Variants in ALK observed in about 807,000 individuals in gnomAD.
ALK encodes the protein ALK receptor tyrosine kinase, also known as ALK tyrosine kinase receptor.
A neutral mutation model predicts 163.1 loss-of-function variants in ALK; 74 were observed. That is an observed-to-expected ratio of 0.45 (90% CI 0.38 to 0.55). The LOEUF (loss-of-function observed/expected upper bound fraction) is 0.55. Ranked by LOEUF, ALK falls within the 20% of genes least tolerant of loss-of-function variation. ALK has a pLI of 0.00. For synonymous variants in ALK, 960 were observed against 843.2 expected (o/e 1.14, Z -2.40); for missense variants, 2,063 against 2,105.3 (o/e 0.98, Z 0.39).
In ALK at chr2:29,658,538, C is replaced by T. The variant is rs185407922; in HGVS notation, c.952+36312G>A. Reference sequence around the variant, plus strand: ...CCAAACAACACTTCCAGGAAGACAGCAGTGGCTAGGTGTAACCCTTATTCA... The same window carrying T: ...CCAAACAACACTTCCAGGAAGACAGTAGTGGCTAGGTGTAACCCTTATTCA... On this transcript the variant is annotated intron_variant, in intron 3 of 28. Coordinates refer to ENST00000389048, the MANE Select transcript of ALK (RefSeq NM_004304.5). Among the ~76,000 whole-genome samples the T allele has an allele frequency of 7.7e-4, 118 of 152,270 alleles. 1 individual carries two copies. Among genetic ancestry groups the T allele is most frequent in the African/African-American group, 2.7e-3 (114 of 41,572 alleles).
intron 9 of ALK, among the ~76,000 whole-genome samples, chr2:29,293,035 T>A (rs1255661871): frequency 2.0e-5 from 3 of 152,232 alleles, no homozygotes; most frequent in African/African-American, 7.2e-5. Context: ...CCAACAGGAA[T>A]GTGACCAGAG....
chr2:29,693,406 T>TACACACACACACACACACAC (rs58588313), intron 3 of ALK, among the ~76,000 whole-genome samples: 1 of 145,174 alleles, frequency 6.9e-6, no homozygotes. Context: ...AGCACTCACC[T>TACACACACACACACACACAC]ACACACACAC....
At position 29,297,482 on chromosome 2, in the gene ALK, T is replaced by C. The variant is rs57465116; in HGVS notation, c.1648-425A>G. Reference sequence around the variant, plus strand: ...AATGATTTTGTGACTCAGTTTCTTTTAGTGATTTAGGTATCATAGATTTTT... The same window carrying C: ...AATGATTTTGTGACTCAGTTTCTTTCAGTGATTTAGGTATCATAGATTTTT... On this transcript the variant is annotated intron_variant, in intron 8 of 28. Transcript: ENST00000389048. 9.7e-3 allele frequency among the ~76,000 whole-genome samples: 1,475 copies of C among 152,308 alleles called. 25 individuals carry two copies. The highest frequency in any genetic ancestry group is 0.033 in the African/African-American group (1,380 of 41,556).
At chr2:29,219,523 T>C (rs1242752253) in intron 23 of ALK, among the ~76,000 whole-genome samples, 1 of 152,176 alleles carries the variant, frequency 6.6e-6, no homozygotes, top group East Asian at 1.9e-4. Flanking sequence ...GCTTTTACTG[T>C]GCAAGTCTTC....
At chr2:29,538,526 T>A (rs1673323318) in intron 3 of ALK, among the ~76,000 whole-genome samples, 1 of 152,182 alleles carries the variant, frequency 6.6e-6, no homozygotes, top group Admixed American at 6.5e-5. Context: ...TGCCATTGCC[T>A]TGCTTCCAGT....
intron 13 of ALK, among the ~76,000 whole-genome samples, chr2:29,238,734 G>A (rs929267951): frequency 2.0e-5 from 3 of 152,072 alleles, no homozygotes; most frequent in African/African-American, 7.2e-5. Context: ...TCTGTTCCTG[G>A]CCCAGAATCG....
At position 29,195,774 on chromosome 2, in the gene ALK, A is replaced by T. The variant is rs1669007244; in HGVS notation, c.4164+996T>A. ...AAATAGTGGTTTATTGACTCTTCTA[A>T]AATATTCTCAGAATTAGATATCCTG... On this transcript the variant is annotated intron_variant, in intron 28 of 28. Transcript: ENST00000389048. 2.0e-5 allele frequency among the ~76,000 whole-genome samples: 3 copies of T among 152,196 alleles called. No homozygotes were observed. The South Asian group carries it at 6.2e-4, about 31-fold the overall frequency.
In ALK at chr2:29,673,583, T is replaced by C. The variant is rs1420345752; in HGVS notation, c.952+21267A>G. ...CCATGCTGTTTTGGTTACTGTAGCC[T>C]TGTAGTATAGTTTGAAGTCAGGTAG... On this transcript the variant is annotated intron_variant, in intron 3 of 28. Transcript: ENST00000389048. Among the ~76,000 whole-genome samples the C allele has an allele frequency of 2.2e-5, 3 of 139,010 alleles. 1 individual carries two copies. Among genetic ancestry groups the C allele is most frequent in the African/African-American group, 8.4e-5 (3 of 35,668 alleles). The allele number at this position is 139,010 out of a possible 152,430, so 91.2% of individuals were successfully genotyped here.
At chr2:29,390,259 G>T (rs1457401335) in intron 4 of ALK, among the ~76,000 whole-genome samples, 1 of 152,294 alleles carries the variant, frequency 6.6e-6, no homozygotes. Context: ...TGCTGGTCAT[G>T]AGCGCCAAGT....
In ALK at chr2:29,705,240, AATATATAT is replaced by A. The variant is rs1172702963; in HGVS notation, c.788-10234_788-10227del. Among the ~76,000 whole-genome samples the A allele has an allele frequency of 8.9e-4, 42 of 47,162 alleles. 2 individuals carry two copies. In the East Asian group the frequency reaches 0.021, roughly 23 times the overall value. 30.9% of individuals were successfully genotyped at this position (47,162 alleles called of 152,430 possible). On this transcript the variant is annotated intron_variant, in intron 2 of 28. Transcript: ENST00000389048. ...CTCAACAAAAAAAGAAAAGAAAAGA[AATATATAT>A]ATATATATATATATATATATATATA...
At chr2:29,919,916 T>G in intron 1 of ALK, 77 bp downstream of exon 1, 1 of 1,538,766 alleles carries the variant, frequency 6.5e-7, no homozygotes, top group Admixed American at 1.7e-5. Context: ...GGGGTGGAAG[T>G]GAAGATTATT....
intron 1 of ALK, among the ~76,000 whole-genome samples, chr2:29,834,566 C>T (rs1412784993): frequency 6.6e-6 from 1 of 151,854 alleles, no homozygotes; most frequent in African/African-American, 2.4e-5. Flanking sequence ...GCTATAATGC[C>T]AATATAATAG....
chr2:29,711,466 C>A (rs776006620), intron 2 of ALK, among the ~76,000 whole-genome samples: 1 of 152,206 alleles, frequency 6.6e-6, no homozygotes, highest in Non-Finnish European at 1.5e-5. Flanking sequence ...CCTCTTCCCC[C>A]AGAGCTCCTT....
chr2:29,229,797 C>T (rs1018517386), intron 15 of ALK, among the ~76,000 whole-genome samples: 1 of 152,188 alleles, frequency 6.6e-6, no homozygotes, highest in Non-Finnish European at 1.5e-5. Flanking sequence ...CTGGGCTCAG[C>T]CTGCTTAGAG....
At chr2:29,556,154 G>T (rs115822105) in intron 3 of ALK, among the ~76,000 whole-genome samples, 1 of 152,110 alleles carries the variant, frequency 6.6e-6, no homozygotes, top group Admixed American at 6.6e-5. Flanking sequence ...GGGAGATGCC[G>T]CAGCCTAGGG....
chr2:29,488,980 A>T (rs1158850570), intron 4 of ALK, among the ~76,000 whole-genome samples: 1 of 152,222 alleles, frequency 6.6e-6, no homozygotes, highest in Non-Finnish European at 1.5e-5. Context: ...GAACTAAAAG[A>T]TTCTGCCAAA....
At chr2:29,435,406 G>A (rs1670373159) in intron 4 of ALK, among the ~76,000 whole-genome samples, 1 of 151,928 alleles carries the variant, frequency 6.6e-6, no homozygotes, top group Admixed American at 6.6e-5. Context: ...AGGCAGCCCT[G>A]CCAGATGCCA....
At chr2:29,859,734 G>T (rs4597472) in intron 1 of ALK, among the ~76,000 whole-genome samples, 118,416 of 152,058 alleles carry the variant, frequency 0.78, 46,327 homozygotes, top group Non-Finnish European at 0.82. Flanking sequence ...CCCAGAGGAA[G>T]GATGTCAGGG....
At chr2:29,200,559 A>G (rs941044453) in intron 26 of ALK, among the ~76,000 whole-genome samples, 5 of 151,824 alleles carry the variant, frequency 3.3e-5, no homozygotes, top group Non-Finnish European at 7.4e-5. Context: ...CTGAAATTCA[A>G]TTTCACTGAC....
Sources: allele counts gnomAD v4.1 joint callset (sites outside exome capture counted in the v4.1 genomes callset), GRCh38; gene constraint gnomAD v4.1.1; transcripts MANE v1.5; gene names NCBI Gene and HGNC (gene_info 2026-07-23, HGNC 2026-07-21).